DRC4: variants seen among roughly 807,000 people sequenced by gnomAD.
DRC4 encodes the protein GAS-11.
the DRC4 span, among the ~76,000 whole-genome samples, chr16:90,028,694 G>C: frequency 6.6e-6 from 1 of 152,164 alleles, no homozygotes; most frequent in East Asian, 1.9e-4. Context: ...TCCTGGAGAC[G>C]GCAGTGTGTG....
At chr16:90,020,164 C>T in the DRC4 span, 1 of 529,816 alleles carries the variant, frequency 1.9e-6, no homozygotes, top group Non-Finnish European at 3.4e-6. Flanking sequence ...TTTGTAAGTA[C>T]TTCAATATTT....
the DRC4 span, among the ~76,000 whole-genome samples, chr16:90,028,341 C>T: frequency 4.0e-5 from 6 of 151,798 alleles, no homozygotes; most frequent in African/African-American, 7.3e-5. Context: ...CCTGCCACCA[C>T]GCCTGGCTAA....
chr16:90,031,559 C>T, the DRC4 span: 8 of 1,487,788 alleles, frequency 5.4e-6, no homozygotes, highest in Admixed American at 6.2e-5. Context: ...GAGCTGGATC[C>T]AGTGAGGGTG....
the DRC4 span, chr16:90,035,966 C>T: frequency 5.2e-5 from 68 of 1,307,704 alleles, 1 homozygote; most frequent in East Asian, 1.2e-3. Context: ...TATTCAGTGC[C>T]GTGGGCAGCC....
chr16:90,033,100 C>G, the DRC4 span, among the ~76,000 whole-genome samples: 1 of 152,160 alleles, frequency 6.6e-6, no homozygotes, highest in African/African-American at 2.4e-5. Flanking sequence ...AAACAAACCC[C>G]ATTTTGGGAC....
the DRC4 span, chr16:90,029,258 C>T: frequency 1.5e-5 from 20 of 1,352,528 alleles, no homozygotes; most frequent in African/African-American, 3.0e-4. Context: ...GCCACAGACT[C>T]AGAAGGCTTC....
the DRC4 span, chr16:90,032,753 GCAC>G: frequency 6.2e-7 from 1 of 1,613,808 alleles, no homozygotes; most frequent in Non-Finnish European, 8.5e-7. Context: ...TGCTATATGA[GCAC>G]CAGAACAACC....
chr16:90,042,540 G>A, the DRC4 span: 28 of 1,612,684 alleles, frequency 1.7e-5, 1 homozygote, highest in Middle Eastern at 1.7e-4. Flanking sequence ...TGTAAGGTAC[G>A]GCTGTGCCCT....
At chr16:90,027,339 C>T in the DRC4 span, among the ~76,000 whole-genome samples, 7 of 151,648 alleles carry the variant, frequency 4.6e-5, no homozygotes, top group African/African-American at 7.3e-5. Flanking sequence ...CCGTCCACCT[C>T]GGCCTCCCAA....
chr16:90,041,628 A>AC, the DRC4 span, among the ~76,000 whole-genome samples: 1 of 152,042 alleles, frequency 6.6e-6, no homozygotes, highest in East Asian at 2.0e-4. Context: ...AGATGGTGAA[A>AC]CCCCGTCTCT....
chr16:90,037,850 T>C, the DRC4 span: 2 of 1,613,276 alleles, frequency 1.2e-6, no homozygotes, highest in African/African-American at 2.7e-5. Flanking sequence ...TTCACCAAGG[T>C]GAGTGGCACC....
chr16:90,027,766 C>A, the DRC4 span: 5 of 1,366,434 alleles, frequency 3.7e-6, no homozygotes, highest in Non-Finnish European at 5.2e-6. Flanking sequence ...TGGGCGTGGG[C>A]GGGCACCACG....
the DRC4 span, chr16:90,029,780 G>C: frequency 5.5e-6 from 1 of 181,124 alleles, no homozygotes; most frequent in African/African-American, 2.4e-5. Context: ...TGATTCTGAC[G>C]GAATCTCGCT....
At chr16:90,027,682 T>C in the DRC4 span, 2 of 1,614,176 alleles carry the variant, frequency 1.2e-6, no homozygotes, top group Non-Finnish European at 1.7e-6. Context: ...GGCACCCCGA[T>C]TGTCGATGGG....
chr16:90,040,410 G>C, the DRC4 span: 39 of 1,612,152 alleles, frequency 2.4e-5, no homozygotes, highest in Middle Eastern at 1.7e-4. Context: ...TGCAGGCTCT[G>C]AGCGCCGCTG....
At chr16:90,031,065 G>A in the DRC4 span, 1 of 899,276 alleles carries the variant, frequency 1.1e-6, no homozygotes, top group Non-Finnish European at 1.6e-6. Context: ...ATGGATGAAA[G>A]GATCTAGTTA....
At chr16:90,035,536 G>A in the DRC4 span, 1 of 1,508,980 alleles carries the variant, frequency 6.6e-7, no homozygotes. Context: ...TAGGGAATAT[G>A]GAGGTGACCA....
At chr16:90,043,761 C>T in the DRC4 span, 1 of 473,974 alleles carries the variant, frequency 2.1e-6, no homozygotes, top group East Asian at 6.9e-5. Flanking sequence ...TGAGTCACAG[C>T]TGCCCAGTGG....
the DRC4 span, among the ~76,000 whole-genome samples, chr16:90,033,418 C>T: frequency 6.6e-6 from 1 of 152,198 alleles, no homozygotes; most frequent in Non-Finnish European, 1.5e-5. Context: ...AATCCCAGCA[C>T]TTGGGAGGGT....
Sources: allele counts gnomAD v4.1 joint callset (sites outside exome capture counted in the v4.1 genomes callset), GRCh38; gene constraint gnomAD v4.1.1; transcripts MANE v1.5; gene names NCBI Gene and HGNC (gene_info 2026-07-23, HGNC 2026-07-21).